PACRG: variants seen among roughly 807,000 people sequenced by gnomAD.
PACRG encodes the protein parkin coregulated.
In PACRG, 29 loss-of-function variants were observed where a neutral mutation model predicts 29.7. That is an observed-to-expected ratio of 0.98 (90% CI 0.73 to 1.33). The LOEUF (loss-of-function observed/expected upper bound fraction) is 1.33, where lower values mean the gene tolerates loss of function less well. Ranked by LOEUF, PACRG falls within the 40% of genes most tolerant of loss-of-function variation. The pLI is 0.00. For missense variants in PACRG, 279 were observed against 316.2 expected (o/e 0.88, Z 0.89); for synonymous variants, 116 against 118.7 (o/e 0.98, Z 0.15).
intron 1 of PACRG, among the ~76,000 whole-genome samples, chr6:162,766,889 C>T (rs944717880): frequency 3.9e-5 from 6 of 151,956 alleles, no homozygotes; most frequent in African/African-American, 9.7e-5. Context: ...AGTACTGATT[C>T]TCACACTTTT....
chr6:163,101,614 C>T (rs1815091164), intron 4 of PACRG, among the ~76,000 whole-genome samples: 1 of 152,126 alleles, frequency 6.6e-6, no homozygotes, highest in South Asian at 2.1e-4. Flanking sequence ...AGAAGAATTT[C>T]TGTTAGGACC....
intron 2 of PACRG, among the ~76,000 whole-genome samples, chr6:163,045,335 G>A (rs1427168541): frequency 2.0e-5 from 3 of 152,072 alleles, no homozygotes; most frequent in Non-Finnish European, 4.4e-5. Context: ...ACAGTGCCTG[G>A]GTAACAGGAG....
At chr6:162,733,012 C>G (rs1165900474) in intron 1 of PACRG, among the ~76,000 whole-genome samples, 1 of 152,124 alleles carries the variant, frequency 6.6e-6, no homozygotes, top group Admixed American at 6.5e-5. Context: ...ATGTTGTTCC[C>G]TTTGCTCGAA....
At chr6:162,943,692 G>C (rs569678764) in intron 2 of PACRG, among the ~76,000 whole-genome samples, 1 of 152,200 alleles carries the variant, frequency 6.6e-6, no homozygotes, top group African/African-American at 2.4e-5. Flanking sequence ...TCGCCGTCTG[G>C]GTACCTGAGG....
At chr6:162,771,202 A>G (rs900243187) in intron 1 of PACRG, among the ~76,000 whole-genome samples, 1 of 152,198 alleles carries the variant, frequency 6.6e-6, no homozygotes, top group Non-Finnish European at 1.5e-5. Context: ...AAGTTACATC[A>G]TAACTTAAAT....
intron 2 of PACRG, among the ~76,000 whole-genome samples, chr6:162,960,863 G>A (rs566259796): frequency 2.2e-4 from 34 of 152,346 alleles, no homozygotes; most frequent in Non-Finnish European, 3.4e-4. Context: ...TATTTTCTTT[G>A]GTGTTGGCTT....
intron 2 of PACRG, among the ~76,000 whole-genome samples, chr6:162,981,341 C>T (rs950223333): frequency 6.8e-6 from 1 of 147,672 alleles, no homozygotes; most frequent in Admixed American, 6.8e-5. Context: ...AGCCTAAATT[C>T]CCATCAACCA....
intron 1 of PACRG, among the ~76,000 whole-genome samples, chr6:162,750,187 T>G (rs1252778903): frequency 6.6e-6 from 1 of 152,214 alleles, no homozygotes; most frequent in Non-Finnish European, 1.5e-5. Flanking sequence ...CTTAGGAGTC[T>G]TTCACATTTT....
chr6:163,248,322 G>A (rs1782769926), intron 4 of PACRG, among the ~76,000 whole-genome samples: 2 of 151,840 alleles, frequency 1.3e-5, no homozygotes, highest in Admixed American at 6.6e-5. Flanking sequence ...GTGGTTCATA[G>A]CCAGATGACC....
intron 2 of PACRG, among the ~76,000 whole-genome samples, chr6:162,897,261 G>C (rs1010277210): frequency 6.6e-6 from 1 of 152,220 alleles, no homozygotes; most frequent in Admixed American, 6.5e-5. Flanking sequence ...TACTAAAAGA[G>C]AAATTTAGAT....
intron 2 of PACRG, among the ~76,000 whole-genome samples, chr6:162,998,267 C>T (rs1429015003): frequency 6.6e-6 from 1 of 152,166 alleles, no homozygotes; most frequent in Non-Finnish European, 1.5e-5. Flanking sequence ...ATCTTAACTC[C>T]AACTTCGTAC....
intron 4 of PACRG, among the ~76,000 whole-genome samples, chr6:163,172,886 T>G (rs112607020): frequency 9.8e-5 from 15 of 152,348 alleles, no homozygotes; most frequent in African/African-American, 3.6e-4. Flanking sequence ...TTTCAATCTG[T>G]TTTTAATAAT....
At chr6:163,073,768 A>G (rs1585149640) in intron 3 of PACRG, among the ~76,000 whole-genome samples, 1 of 152,338 alleles carries the variant, frequency 6.6e-6, no homozygotes, top group East Asian at 1.9e-4. Flanking sequence ...TAAAATAAGC[A>G]AAATATCTGA....
chr6:162,746,879 C>G (rs1781027968), intron 1 of PACRG, among the ~76,000 whole-genome samples: 1 of 152,156 alleles, frequency 6.6e-6, no homozygotes, highest in Non-Finnish European at 1.5e-5. Context: ...ATAAAAGGAC[C>G]CTTCTCTGTA....
In PACRG at chr6:162,812,552, A is replaced by G. The variant is rs114434556; in HGVS notation, c.157-1595A>G. On this transcript the variant is annotated intron_variant, in intron 1 of 4. Coordinates refer to ENST00000366888, the MANE Select transcript of PACRG (RefSeq NM_001080379.2). Reference sequence around the variant, plus strand: ...TGGTGCCATATTGGTAGATGTTACCATCTACCTTTTCTAAAAAAAAATAAC... The same window carrying G: ...TGGTGCCATATTGGTAGATGTTACCGTCTACCTTTTCTAAAAAAAAATAAC... 3.8e-3 allele frequency among the ~76,000 whole-genome samples: 576 copies of G among 152,034 alleles called. 4 individuals are homozygous for G. The highest frequency in any genetic ancestry group is 0.013 in the African/African-American group (560 of 41,526).
At chr6:162,810,147 G>A (rs1786719633) in intron 1 of PACRG, among the ~76,000 whole-genome samples, 1 of 152,086 alleles carries the variant, frequency 6.6e-6, no homozygotes, top group Admixed American at 6.6e-5. Context: ...AGTGGGTTCT[G>A]GAATCTCCAT....
chr6:162,994,748 G>A (rs1454654439), intron 2 of PACRG, among the ~76,000 whole-genome samples: 2 of 149,860 alleles, frequency 1.3e-5, no homozygotes, highest in African/African-American at 2.5e-5. Context: ...GCTCGTCAAA[G>A]TCATTCTCCA....
intron 2 of PACRG, among the ~76,000 whole-genome samples, chr6:162,984,714 A>T (rs1171248254): frequency 6.6e-6 from 1 of 151,778 alleles, no homozygotes; most frequent in Non-Finnish European, 1.5e-5. Context: ...TGCAGGAGTG[A>T]GGTGGTATTG....
chr6:163,155,729 C>A (rs536367607), intron 4 of PACRG, among the ~76,000 whole-genome samples: 1 of 152,354 alleles, frequency 6.6e-6, no homozygotes, highest in Non-Finnish European at 1.5e-5. Flanking sequence ...CTCTAAGTCT[C>A]ATGCCCATTT....
Sources: gnomAD v4.1 joint callset for allele counts (sites outside exome capture counted in the v4.1 genomes callset) on GRCh38, gnomAD v4.1.1 for gene constraint, MANE v1.5 for transcripts, NCBI Gene and HGNC (gene_info 2026-07-23, HGNC 2026-07-21) for gene names.